Variants in RBM34 observed in about 807,000 individuals in gnomAD.
The protein encoded by RBM34 is RNA-binding protein 34.
RBM34 carries 39 observed loss-of-function variants against 44.6 expected under a neutral mutation model. The ratio of observed to expected loss-of-function variants is 0.87; its 90% CI spans 0.68 to 1.14. The LOEUF is 1.14. Ranked by LOEUF, RBM34 falls within the 50% of genes most tolerant of loss-of-function variation. The probability of loss-of-function intolerance (pLI) is 0.00; values close to 1 mark genes in which losing one functional copy is unlikely to be tolerated. For synonymous variants in RBM34, 194 were observed against 184.0 expected, an observed-to-expected ratio of 1.05 and a Z score of -0.44; for missense variants, 572 against 517.9, an observed-to-expected ratio of 1.10 and a Z score of -1.01.
At chr1:235,158,962 C>T (rs11487700) in intron 3 of RBM34, among the ~76,000 whole-genome samples, 29,830 of 143,638 alleles carry the variant, frequency 0.21, 3,814 homozygotes, top group African/African-American at 0.38. Context: ...TATTTTTTTA[C>T]TAAAAAAAAA....
At chr1:235,137,452 G>A (rs1661472037) in intron 8 of RBM34, among the ~76,000 whole-genome samples, 1 of 152,116 alleles carries the variant, frequency 6.6e-6, no homozygotes, top group Admixed American at 6.6e-5. Context: ...ACAGCTCACT[G>A]CAGCCTCAAA....
intron 2 of RBM34, 115 bp downstream of exon 2, chr1:235,160,778 A>C: frequency 6.6e-7 from 1 of 1,513,040 alleles, no homozygotes; most frequent in East Asian, 2.3e-5. Context: ...AAGGTTACTT[A>C]AAATGAATCC....
chr1:235,147,370 A>T (rs1006876184), intron 6 of RBM34, among the ~76,000 whole-genome samples: 1 of 152,246 alleles, frequency 6.6e-6, no homozygotes, highest in East Asian at 1.9e-4. Flanking sequence ...TACACCTGTC[A>T]GAACCTCTGT....
chr1:235,138,055 A>C, intron 7 of RBM34, 36 bp downstream of exon 7: 1 of 1,568,836 alleles, frequency 6.4e-7, no homozygotes, highest in South Asian at 1.1e-5. Context: ...TACTTATAGG[A>C]CAATTATTCT....
chr1:235,155,123 C>CA lies in RBM34; in HGVS notation c.366-12dup, dbSNP rs1558148633. The CA allele has an allele frequency of 1.9e-6, 3 of 1,605,688 alleles. No individual in the cohort carries two copies. The highest frequency in any genetic ancestry group is 2.5e-6 in the Non-Finnish European group (3 of 1,176,658). ...GCTAGAGCGCTTTCCCTTTTTAAGG[C>CA]AAAAAATAAAATAAGCAGTAAGAGT... On this transcript the variant is annotated splice_polypyrimidine_tract_variant and intron_variant, in intron 3 of 10. Coordinates refer to ENST00000408888, the MANE Select transcript of RBM34 (RefSeq NM_015014.4).
In RBM34 at chr1:235,155,196, G is replaced by T. The variant is rs375410264; in HGVS notation, c.366-84C>A. The stretch of plus-strand genomic sequence containing the variant: ...TGACAAAGCACAGCCCTACCCTCCC[G>T]ACTAGAAATATTTCCCAATGTCTTC... On this transcript the variant is annotated intron_variant, in intron 3 of 10. Coordinates refer to ENST00000408888, the MANE Select transcript of RBM34 (RefSeq NM_015014.4). 6.7e-6 allele frequency: 7 copies of T among 1,052,016 alleles called. No homozygotes were observed. In the East Asian group the frequency reaches 1.7e-4, roughly 26 times the overall value. The allele number at this position is 1,052,016 out of a possible 1,614,324, so 65.2% of individuals were successfully genotyped here. A position where few individuals can be genotyped will look rare whatever the true frequency, so the allele number is the denominator to read the frequency against.
At chr1:235,138,438 T>TC (rs1661527529) in intron 6 of RBM34, among the ~76,000 whole-genome samples, 1 of 152,180 alleles carries the variant, frequency 6.6e-6, no homozygotes, top group Non-Finnish European at 1.5e-5. Context: ...TGTATATGAA[T>TC]CCCTGAGAAC....
chr1:235,155,832 T>TATATATATAC (rs1558149131), intron 3 of RBM34, among the ~76,000 whole-genome samples: 4 of 19,308 alleles, frequency 2.1e-4, no homozygotes, highest in Non-Finnish European at 3.4e-4. Flanking sequence ...CATATATATA[T>TATATATATAC]ATATATATAT....
chr1:235,152,602 A>G (rs1042997394), intron 5 of RBM34, 104 bp downstream of exon 5: 3 of 1,522,542 alleles, frequency 2.0e-6, no homozygotes, highest in Admixed American at 4.7e-5. Flanking sequence ...CTATTGATTC[A>G]AAAGGTTAAA....
chr1:235,154,900 G>C lies in RBM34; in HGVS notation c.578C>G (p.Pro193Arg). Residue 193 changes from proline to arginine, a missense_variant, in exon 4 of 11, where the codon CCT (proline) becomes CGT (arginine). Physicochemically the swap from Pro to Arg is moderately radical, Grantham distance 103. Coordinates refer to ENST00000408888, the MANE Select transcript of RBM34 (RefSeq NM_015014.4). ...ACTCACCTTCTTATTACATGTAACAGGCAAATTCCCAACAAACACAGTTCT... is the reference window on the plus strand; with the variant it reads ...ACTCACCTTCTTATTACATGTAACACGCAAATTCCCAACAAACACAGTTCT... ...NERTVFVGNL[P>R]VTCNKKKLKS... The C allele has an allele frequency of 1.2e-6, 2 of 1,613,512 alleles. No individual in the cohort carries two copies. Among genetic ancestry groups the C allele is most frequent in the Non-Finnish European group, 1.7e-6 (2 of 1,179,682 alleles).
chr1:235,160,716 A>G (rs527745781), intron 2 of RBM34, 69 bp from the exon 3 acceptor site: 2 of 1,551,340 alleles, frequency 1.3e-6, no homozygotes, highest in East Asian at 2.2e-5. Context: ...GCCATAATTC[A>G]GTCTTTCTAA....
At chr1:235,149,551 A>C (rs1662071104) in intron 5 of RBM34, among the ~76,000 whole-genome samples, 1 of 152,188 alleles carries the variant, frequency 6.6e-6, no homozygotes, top group African/African-American at 2.4e-5. Context: ...ATATTAGCCA[A>C]AAAAATGCAT....
At chr1:235,159,406 T>A (rs1210508982) in intron 3 of RBM34, among the ~76,000 whole-genome samples, 1 of 151,422 alleles carries the variant, frequency 6.6e-6, no homozygotes, top group African/African-American at 2.4e-5. Context: ...AAAAATCAGC[T>A]GGGTGTGATG....
intron 3 of RBM34, among the ~76,000 whole-genome samples, chr1:235,155,870 TATATAC>T (rs1558149391): frequency 7.7e-4 from 28 of 36,582 alleles, no homozygotes; most frequent in African/African-American, 4.2e-3. Flanking sequence ...TATATATACA[TATATAC>T]TTTTTTTTTT....
chr1:235,160,394 T>C, intron 3 of RBM34, 117 bp downstream of exon 3: 1 of 1,334,032 alleles, frequency 7.5e-7, no homozygotes, highest in South Asian at 1.2e-5. Context: ...GGATTTTCCA[T>C]AATAAAAGTT....
In RBM34 at chr1:235,149,185, G is replaced by A. The variant is rs547680571; in HGVS notation, c.658-738C>T. Among the ~76,000 whole-genome samples the A allele has an allele frequency of 1.1e-4, 17 of 151,830 alleles. No individual in the cohort carries two copies. The South Asian group carries it at 3.5e-3, about 32-fold the overall frequency. The stretch of plus-strand genomic sequence containing the variant: ...GGGCGGATCACGAGGTCAGGAGGTT[G>A]AGACCATCCTGGCTAACACGGTGAA... On this transcript the variant is annotated intron_variant, in intron 5 of 10. Coordinates refer to ENST00000408888, the MANE Select transcript of RBM34 (RefSeq NM_015014.4).
chr1:235,159,547 C>CAAAA (rs1184312990), intron 3 of RBM34, among the ~76,000 whole-genome samples: 2 of 89,876 alleles, frequency 2.2e-5, no homozygotes, highest in Non-Finnish European at 4.7e-5. Context: ...GACTCCAGCT[C>CAAAA]AAAAAAAAAA....
rs112104911 is a variant in RBM34 at position 235,134,167 on chromosome 1, C to G, written c.1008+1485G>C. ...CTCCTCAAGTAAATGGTACTACAGG[C>G]ATGCACCACCACGCCCAGCTGATTT... On this transcript the variant is annotated intron_variant, in intron 10 of 10. Coordinates refer to ENST00000408888, the MANE Select transcript of RBM34 (RefSeq NM_015014.4). 4.3e-3 allele frequency among the ~76,000 whole-genome samples: 659 copies of G among 152,290 alleles called. 4 individuals carry two copies. Among genetic ancestry groups the G allele is most frequent in the African/African-American group, 0.015 (637 of 41,556 alleles).
chr1:235,139,583 C>T (rs536289293), intron 6 of RBM34, among the ~76,000 whole-genome samples: 2 of 152,330 alleles, frequency 1.3e-5, no homozygotes, highest in African/African-American at 4.8e-5. Flanking sequence ...CATCCAAATC[C>T]AACACATCCT....
Sources: allele counts gnomAD v4.1 joint callset (sites outside exome capture counted in the v4.1 genomes callset), GRCh38; gene constraint gnomAD v4.1.1; transcripts MANE v1.5; gene names NCBI Gene and HGNC (gene_info 2026-07-23, HGNC 2026-07-21).